CCDC14: variants seen among roughly 807,000 people sequenced by gnomAD.
The protein encoded by CCDC14 is coiled-coil domain-containing protein 14.
A neutral mutation model predicts 81.4 loss-of-function variants in CCDC14; 71 were observed. The ratio of observed to expected loss-of-function variants is 0.87; its 90% CI spans 0.72 to 1.06. The LOEUF (loss-of-function observed/expected upper bound fraction) is 1.06, where lower values mean the gene tolerates loss of function less well. Ranked by LOEUF, CCDC14 falls within the 50% of genes least tolerant of loss-of-function variation. CCDC14 has a pLI of 0.00. For synonymous variants in CCDC14, 332 were observed against 364.8 expected, an observed-to-expected ratio of 0.91 and a Z score of 1.03; for missense variants, 1,046 against 1,047.3, an observed-to-expected ratio of 1.00 and a Z score of 0.02.
intron 5 of CCDC14, among the ~76,000 whole-genome samples, chr3:123,906,252 C>A (rs2682196): frequency 0.15 from 22,149 of 151,980 alleles, 2,854 homozygotes; most frequent in East Asian, 0.35. Context: ...ATGGCGTGAA[C>A]ACGGGAGGCG....
At chr3:123,894,688 T>C (rs2034034472), downstream of CCDC14, among the ~76,000 whole-genome samples, 2 of 152,252 alleles carry the variant, frequency 1.3e-5, no homozygotes, top group African/African-American at 4.8e-5. Context: ...TTCCTAAGTA[T>C]TTTATCCTTT....
chr3:123,896,134 G>A (rs540808429), downstream of CCDC14, among the ~76,000 whole-genome samples: 5 of 152,312 alleles, frequency 3.3e-5, no homozygotes, highest in South Asian at 8.3e-4. Context: ...TGAGAGATGC[G>A]GTCTTTAAGA....
chr3:123,904,364 G>A (rs566878217), intron 5 of CCDC14, among the ~76,000 whole-genome samples: 1 of 152,228 alleles, frequency 6.6e-6, no homozygotes, highest in African/African-American at 2.4e-5. Context: ...TATGAAGATA[G>A]GTTACAGGTG....
intron 9 of CCDC14, among the ~76,000 whole-genome samples, chr3:123,942,927 T>C (rs2036427021): frequency 1.3e-5 from 2 of 152,014 alleles, no homozygotes; most frequent in South Asian, 4.2e-4. Flanking sequence ...AAAGAAAAAA[T>C]ATCAAAGAAT....
chr3:123,951,649 G>T (rs1468558460), intron 5 of CCDC14, among the ~76,000 whole-genome samples: 2 of 152,026 alleles, frequency 1.3e-5, no homozygotes, highest in African/African-American at 4.8e-5. Context: ...TTAAGAATTG[G>T]CTAGTTTGAA....
chr3:123,955,741 T>C (rs2037285349), intron 5 of CCDC14, 102 bp downstream of exon 5: 3 of 1,096,602 alleles, frequency 2.7e-6, no homozygotes, highest in Non-Finnish European at 3.8e-6. Flanking sequence ...ACCTAACTAA[T>C]ACTGATTATT....
At chr3:123,960,379 T>G (rs2148977755) in intron 1 of CCDC14, among the ~76,000 whole-genome samples, 1 of 152,304 alleles carries the variant, frequency 6.6e-6, no homozygotes, top group East Asian at 1.9e-4. Flanking sequence ...ATACATCTAC[T>G]AGGTAAAATG....
intron 12 of CCDC14, 59 bp downstream of exon 12, chr3:123,931,042 GT>G: frequency 7.1e-7 from 1 of 1,413,690 alleles, no homozygotes; most frequent in South Asian, 1.6e-5. Flanking sequence ...TTATTTTGAA[GT>G]TTATAAAAAC....
intron 12 of CCDC14, among the ~76,000 whole-genome samples, chr3:123,924,025 G>A (rs1442964486): frequency 6.7e-6 from 1 of 149,356 alleles, no homozygotes; most frequent in African/African-American, 2.5e-5. Context: ...AACAAAGCTG[G>A]GGGCACCACA....
chr3:123,937,764 G>A (rs917540717), intron 9 of CCDC14, among the ~76,000 whole-genome samples: 2 of 151,458 alleles, frequency 1.3e-5, no homozygotes, highest in Non-Finnish European at 3.0e-5. Context: ...TTTCTCTTAC[G>A]TTTCCTTTCA....
Position 123,914,955 on chromosome 3 carries a change from T to C in CCDC14, c.2542A>G (p.Asn848Asp), listed in dbSNP as rs1461036947. The change falls in exon 13 of 13, where the codon AAT (asparagine) becomes GAT (aspartate). Residue 848 changes from asparagine to aspartate, a missense_variant. Physicochemically the swap from Asn to Asp is conservative, Grantham distance 23. Transcript: ENST00000409697. Reference sequence around the variant, plus strand: ...AAAACACTACCATCACAGACAGTATTGCCTTTCACTTGAAGGCTGTTGCTA... The same window carrying C: ...AAAACACTACCATCACAGACAGTATCGCCTTTCACTTGAAGGCTGTTGCTA... ...CLSNSLQVKGNTVCDGSVFTS... is the reference protein window; with the variant it reads ...CLSNSLQVKGDTVCDGSVFTS... 3 of 1,613,920 alleles carry C rather than the reference T, an allele frequency of 1.9e-6. No individual in the cohort carries two copies. The highest frequency in any genetic ancestry group is 2.5e-6 in the Non-Finnish European group (3 of 1,179,898).
chr3:123,930,548 A>G (rs1190731462), intron 12 of CCDC14, among the ~76,000 whole-genome samples: 1 of 152,214 alleles, frequency 6.6e-6, no homozygotes, highest in African/African-American at 2.4e-5. Context: ...TTTTAGAAAA[A>G]TACTGTTAGG....
intron 8 of CCDC14, 66 bp from the exon 9 acceptor site, chr3:123,945,056 T>A (rs767983999): frequency 9.5e-7 from 1 of 1,055,348 alleles, no homozygotes; most frequent in Middle Eastern, 2.6e-4. Context: ...TTAGTATGTA[T>A]TACTAAAAAA....
At chr3:123,934,667 T>A (rs1026230314) in intron 9 of CCDC14, among the ~76,000 whole-genome samples, 3 of 152,204 alleles carry the variant, frequency 2.0e-5, no homozygotes, top group African/African-American at 7.2e-5. Context: ...AATAGAAACA[T>A]ATGCAAGTGT....
At chr3:123,933,228 A>G (rs1164122902) in intron 10 of CCDC14, among the ~76,000 whole-genome samples, 1 of 152,260 alleles carries the variant, frequency 6.6e-6, no homozygotes, top group East Asian at 1.9e-4. Flanking sequence ...AAAGGACCAT[A>G]TTATGGTAGA....
intron 9 of CCDC14, among the ~76,000 whole-genome samples, chr3:123,936,967 T>C (rs888731569): frequency 2.6e-5 from 4 of 152,144 alleles, no homozygotes; most frequent in Admixed American, 6.6e-5. Flanking sequence ...AATGGAATTA[T>C]GGAATATATA....
intron 12 of CCDC14, among the ~76,000 whole-genome samples, chr3:123,927,905 C>A (rs2035463162): frequency 6.6e-6 from 1 of 152,104 alleles, no homozygotes. Context: ...ATCTCCTACA[C>A]AGGTAGAAGA....
downstream of CCDC14, among the ~76,000 whole-genome samples, chr3:123,892,951 C>T (rs141630762): frequency 7.3e-3 from 1,106 of 151,996 alleles, 16 homozygotes; most frequent in African/African-American, 0.024. Context: ...ACTATAGGTG[C>T]GTGCCACAAC....
Position 123,947,294 on chromosome 3 carries a change from T to C in CCDC14, c.710A>G (p.Gln237Arg), listed in dbSNP as rs745507414. The change falls in exon 8 of 13, where the codon CAG (glutamine) becomes CGG (arginine). Residue 237 changes from glutamine to arginine, a missense_variant. Physicochemically the swap from Gln to Arg is conservative, Grantham distance 43. Coordinates refer to ENST00000409697, the MANE Select transcript of CCDC14 (RefSeq NM_001366335.1). The part of the protein sequence containing the change: ...HSEVQTDGNS[Q>R]FASQGKTVSA... ...AACTGTTTTACCTTGTGATGCAAAC[T>C]GACTGTTGCCATCAGTTTGAACTTC... is the stretch of plus-strand genomic sequence containing the variant. The C allele has an allele frequency of 1.2e-6, 2 of 1,611,050 alleles. No individual in the cohort carries two copies. The highest frequency in any genetic ancestry group is 1.7e-6 in the Non-Finnish European group (2 of 1,177,646).
Sources: allele counts gnomAD v4.1 joint callset (sites outside exome capture counted in the v4.1 genomes callset), GRCh38; gene constraint gnomAD v4.1.1; transcripts MANE v1.5; gene names NCBI Gene and HGNC (gene_info 2026-07-23, HGNC 2026-07-21).